Variants in ALG6 observed in about 807,000 individuals in gnomAD.
ALG6 encodes dolichyl pyrophosphate Man9GlcNAc2 alpha-1,3-glucosyltransferase.
Under a neutral mutation model 66.6 loss-of-function variants are expected in ALG6, and 46 were observed. That is an observed-to-expected ratio of 0.69 (90% CI 0.55 to 0.88). ALG6 has a LOEUF of 0.88. Ranked by LOEUF, ALG6 falls within the 40% of genes least tolerant of loss-of-function variation. The pLI is 0.00. For missense variants in ALG6, 505 were observed against 586.8 expected (o/e 0.86, Z 1.44); for synonymous variants, 185 against 203.7 (o/e 0.91, Z 0.78).
intron 9 of ALG6, among the ~76,000 whole-genome samples, chr1:63,412,908 A>G (rs916511739): frequency 5.9e-5 from 9 of 152,198 alleles, no homozygotes; most frequent in Admixed American, 2.6e-4. Context: ...ATAAATTTCT[A>G]TAGAATATCT....
rs1039868882 is a variant in ALG6, at chr1:63,375,437, T to C, written c.82+4378T>C. ...TTTTTTTTTTTTTTTTTTTTTTTTTTCCAGTAGAGACAGGATTTCCCCATG... is the reference window on the plus strand; with the variant it reads ...TTTTTTTTTTTTTTTTTTTTTTTTTCCCAGTAGAGACAGGATTTCCCCATG... On this transcript the variant is annotated intron_variant, in intron 2 of 14. Coordinates refer to ENST00000263440, the MANE Select transcript of ALG6 (RefSeq NM_013339.4). Among the ~76,000 whole-genome samples the C allele has an allele frequency of 3.3e-3, 465 of 140,214 alleles. 1 individual carries two copies. The highest frequency in any genetic ancestry group is 0.01 in the Middle Eastern group (3 of 288). 92.0% of individuals were successfully genotyped at this position (140,214 alleles called of 152,430 possible).
chr1:63,435,645 C>A (rs1644674064), intron 14 of ALG6, among the ~76,000 whole-genome samples: 1 of 152,084 alleles, frequency 6.6e-6, no homozygotes, highest in Non-Finnish European at 1.5e-5. Flanking sequence ...TGAGTAAGAT[C>A]TTGCTGGTCT....
chr1:63,424,399 A>C (rs1557596139), intron 12 of ALG6, among the ~76,000 whole-genome samples: 1 of 152,146 alleles, frequency 6.6e-6, no homozygotes, highest in African/African-American at 2.4e-5. Context: ...TCGGCCTCCC[A>C]AAGTGCTGGG....
intron 6 of ALG6, 97 bp from the exon 7 acceptor site, chr1:63,406,965 G>C (rs1227426572): frequency 2.3e-6 from 2 of 872,900 alleles, no homozygotes; most frequent in Admixed American, 1.8e-5. Context: ...CTGGAAAAGG[G>C]GAACATTTGC....
intron 4 of ALG6, among the ~76,000 whole-genome samples, chr1:63,403,970 A>C (rs960258091): frequency 3.3e-5 from 5 of 152,228 alleles, no homozygotes; most frequent in African/African-American, 1.2e-4. Context: ...CATCATCATT[A>C]TAGTATTCAG....
intron 2 of ALG6, among the ~76,000 whole-genome samples, chr1:63,385,271 C>T (rs184780090): frequency 7.2e-5 from 10 of 139,694 alleles, no homozygotes; most frequent in African/African-American, 2.4e-4. Flanking sequence ...ATGATCTTGG[C>T]TCACGGCAAC....
intron 12 of ALG6, among the ~76,000 whole-genome samples, chr1:63,422,625 G>A (rs1035546568): frequency 1.1e-4 from 17 of 151,306 alleles, no homozygotes; most frequent in African/African-American, 4.1e-4. Context: ...GCCAGTGTTG[G>A]TGGAGCAATG....
In ALG6 at chr1:63,370,914, C is replaced by T; in HGVS notation, c.-64C>T. The T allele has an allele frequency of 2.1e-6, 2 of 949,120 alleles. No individual in the cohort carries two copies. Among genetic ancestry groups the T allele is most frequent in the South Asian group, 1.3e-5 (1 of 77,436 alleles). The allele number at this position is 949,120 out of a possible 1,614,324, so 58.8% of individuals were successfully genotyped here. A position where few individuals can be genotyped will look rare whatever the true frequency, so the allele number is the denominator to read the frequency against. On this transcript the variant is annotated 5_prime_UTR_variant, in exon 2 of 15. Transcript: ENST00000263440. ...CTGAACAAGAAAAGAAGTGATTGAC[C>T]ACGTTTTAAAAGTACTCTGGCACTG...
chr1:63,394,955 T>C (rs2100403406), intron 2 of ALG6, among the ~76,000 whole-genome samples: 1 of 151,540 alleles, frequency 6.6e-6, no homozygotes, highest in Non-Finnish European at 1.5e-5. Flanking sequence ...AACCTCCGCC[T>C]CCTGGGTTCA....
intron 12 of ALG6, among the ~76,000 whole-genome samples, chr1:63,427,787 C>CTTTTT (rs540658412): frequency 3.6e-5 from 4 of 109,958 alleles, no homozygotes; most frequent in Non-Finnish European, 5.4e-5. Context: ...CCCTAAACAA[C>CTTTTT]TTTTTTTTTT....
chr1:63,378,327 C>CAT (rs1260634419), intron 2 of ALG6, among the ~76,000 whole-genome samples: 1 of 152,134 alleles, frequency 6.6e-6, no homozygotes, highest in African/African-American at 2.4e-5. Context: ...CATCAGCTGT[C>CAT]ATTTTAACTG....
chr1:63,392,704 G>A (rs1648708324), intron 2 of ALG6, among the ~76,000 whole-genome samples: 1 of 152,096 alleles, frequency 6.6e-6, no homozygotes, highest in Admixed American at 6.6e-5. Flanking sequence ...ACATTAGTGT[G>A]TTTTCTTTAT....
At chr1:63,383,144 C>T (rs1478769051) in intron 2 of ALG6, among the ~76,000 whole-genome samples, 2 of 151,302 alleles carry the variant, frequency 1.3e-5, no homozygotes, top group African/African-American at 4.9e-5. Context: ...GAGTCTCGCT[C>T]CATTGCCCTG....
chr1:63,371,516 G>T (rs557753379), intron 2 of ALG6, among the ~76,000 whole-genome samples: 1 of 152,310 alleles, frequency 6.6e-6, no homozygotes, highest in South Asian at 2.1e-4. Context: ...TACCTATTTA[G>T]CACGTCTCAT....
At chr1:63,427,787 CTTTTTT>C (rs540658412) in intron 12 of ALG6, among the ~76,000 whole-genome samples, 2 of 109,978 alleles carry the variant, frequency 1.8e-5, no homozygotes, top group African/African-American at 8.0e-5. Flanking sequence ...CCCTAAACAA[CTTTTTT>C]TTTTTTTTTT....
chr1:63,374,929 G>T (rs570874173), intron 2 of ALG6, among the ~76,000 whole-genome samples: 18 of 152,262 alleles, frequency 1.2e-4, no homozygotes, highest in Middle Eastern at 3.4e-3. Flanking sequence ...AAAAATGTAG[G>T]CTGAGCACAG....
intron 14 of ALG6, chr1:63,429,366 C>T: frequency 4.9e-6 from 2 of 409,912 alleles, no homozygotes; most frequent in Non-Finnish European, 8.9e-6. Flanking sequence ...GCATTCATTC[C>T]CAATTCTATT....
At chr1:63,435,381 A>G (rs1203946692) in intron 14 of ALG6, among the ~76,000 whole-genome samples, 1 of 152,180 alleles carries the variant, frequency 6.6e-6, no homozygotes, top group Non-Finnish European at 1.5e-5. Flanking sequence ...TTTTTCCTTT[A>G]ACGACACTGG....
intron 2 of ALG6, among the ~76,000 whole-genome samples, chr1:63,373,657 C>CTTTTTTTTTTT (rs1557578257): frequency 8.7e-6 from 1 of 114,760 alleles, no homozygotes; most frequent in African/African-American, 3.3e-5. Flanking sequence ...ATTTAATTTA[C>CTTTTTTTTTTT]ATTTTTTTTT....
Sources: allele counts gnomAD v4.1 joint callset (sites outside exome capture counted in the v4.1 genomes callset), GRCh38; gene constraint gnomAD v4.1.1; transcripts MANE v1.5; gene names NCBI Gene and HGNC (gene_info 2026-07-23, HGNC 2026-07-21).